The following BMPR1A variants were observed in gnomAD, a reference collection of about 807,000 sequenced individuals.
BMPR1A encodes bone morphogenetic protein receptor type-1A.
Under a neutral mutation model 66.0 loss-of-function variants are expected in BMPR1A, and 7 were observed. That is an observed-to-expected ratio of 0.11 (90% CI 0.06 to 0.20). The LOEUF (loss-of-function observed/expected upper bound fraction) is 0.20. BMPR1A is among the 10% of genes least tolerant of loss of function. The pLI, the probability that BMPR1A is intolerant of heterozygous loss-of-function variation, is 1.00. For synonymous variants in BMPR1A, 200 were observed against 229.7 expected, an observed-to-expected ratio of 0.87 and a Z score of 1.17; for missense variants, 408 against 669.1, an observed-to-expected ratio of 0.61 and a Z score of 4.31.
chr10:86,757,302 G>A (rs949788868), intron 1 of BMPR1A, among the ~76,000 whole-genome samples: 2 of 152,092 alleles, frequency 1.3e-5, no homozygotes, highest in African/African-American at 2.4e-5. Flanking sequence ...CTGTGGGGAG[G>A]AACAGGGGAG....
At chr10:86,869,128 T>A (rs961731221) in intron 2 of BMPR1A, among the ~76,000 whole-genome samples, 1 of 152,180 alleles carries the variant, frequency 6.6e-6, no homozygotes, top group Admixed American at 6.5e-5. Flanking sequence ...TTAAAAAATA[T>A]ATTTTATCGT....
intron 4 of BMPR1A, among the ~76,000 whole-genome samples, chr10:86,890,827 C>A (rs1843138039): frequency 6.6e-6 from 1 of 152,008 alleles, no homozygotes; most frequent in Non-Finnish European, 1.5e-5. Flanking sequence ...GTGAATTTAC[C>A]AATCCAAATC....
chr10:86,840,306 ATCT>A (rs1842408600), intron 2 of BMPR1A, among the ~76,000 whole-genome samples: 2 of 152,160 alleles, frequency 1.3e-5, no homozygotes, highest in Admixed American at 1.3e-4. Context: ...GCTGGATTAG[ATCT>A]TCTAAAAAAT....
At position 86,884,836 on chromosome 10, in the gene BMPR1A, G is replaced by C. The variant is rs199663353; in HGVS notation, c.68-5226G>C. The stretch of plus-strand genomic sequence containing the variant: ...TGTCGGACATGTGTCAGCATGTGTC[G>C]GAATGTATCAACCCATTTTTGATAA... On this transcript the variant is annotated intron_variant, in intron 3 of 12. Transcript: ENST00000372037. Among the ~76,000 whole-genome samples the C allele has an allele frequency of 1.4e-4, 22 of 152,216 alleles. No homozygotes were observed. In the East Asian group the frequency reaches 3.9e-3, roughly 27 times the overall value.
intron 1 of BMPR1A, among the ~76,000 whole-genome samples, chr10:86,785,325 A>G (rs984972759): frequency 1.8e-4 from 27 of 152,008 alleles, no homozygotes; most frequent in African/African-American, 5.3e-4. Context: ...TGTTTTTGAG[A>G]TGGAGTTTCC....
At chr10:86,797,210 G>A (rs1462010368) in intron 1 of BMPR1A, among the ~76,000 whole-genome samples, 10 of 143,876 alleles carry the variant, frequency 7.0e-5, no homozygotes, top group Non-Finnish European at 1.5e-4. Context: ...GATTACAGGC[G>A]CCTGCCACCA....
At chr10:86,898,472 G>A (rs1188931555) in intron 5 of BMPR1A, among the ~76,000 whole-genome samples, 3 of 152,074 alleles carry the variant, frequency 2.0e-5, no homozygotes, top group African/African-American at 7.2e-5. Flanking sequence ...CAAACGCATC[G>A]TAAGATCTCT....
chr10:86,796,613 G>GT (rs1274731207), intron 1 of BMPR1A, among the ~76,000 whole-genome samples: 1 of 150,936 alleles, frequency 6.6e-6, no homozygotes, highest in African/African-American at 2.4e-5. Context: ...ATCTCTCTCT[G>GT]TTGCCCAGGC....
In BMPR1A at chr10:86,875,871, C is replaced by G. The variant is rs1057522518; in HGVS notation, c.-148C>G. 1.4e-6 allele frequency: 1 copy of G among 727,712 alleles called. No individual in the cohort carries two copies. The highest frequency in any genetic ancestry group is 2.4e-6 in the Non-Finnish European group (1 of 412,480). 45.1% of individuals were successfully genotyped at this position (727,712 alleles called of 1,614,324 possible). ...TTAAATATTTTTGTCTTTCAGGAGTCGTAAGAAAGCAGTGGGAGTTGAAGT... is the reference window on the plus strand; with the variant it reads ...TTAAATATTTTTGTCTTTCAGGAGTGGTAAGAAAGCAGTGGGAGTTGAAGT... On this transcript the variant is annotated 5_prime_UTR_variant, in exon 3 of 13. Transcript: ENST00000372037.
intron 2 of BMPR1A, among the ~76,000 whole-genome samples, chr10:86,842,723 T>C (rs774543790): frequency 6.6e-6 from 1 of 152,158 alleles, no homozygotes; most frequent in Non-Finnish European, 1.5e-5. Context: ...AATGGACTCA[T>C]AGTTCCATGT....
Position 86,923,760 on chromosome 10 carries a change from T to G in BMPR1A, c.*41T>G, listed in dbSNP as rs1377459606. The G allele has an allele frequency of 1.2e-6, 2 of 1,609,680 alleles. No individual in the cohort carries two copies. The highest frequency in any genetic ancestry group is 2.7e-5 in the African/African-American group (2 of 74,724). On this transcript the variant is annotated 3_prime_UTR_variant, in exon 13 of 13. Transcript: ENST00000372037. The stretch of plus-strand genomic sequence containing the variant: ...AGGAGAAACTCTAGACTGCAAGAAC[T>G]GTTTTTACCCATGGCATGGGTGGAA...
In BMPR1A at chr10:86,925,853, G is replaced by A. The variant is rs1343084861; in HGVS notation, c.*2134G>A. 1 of 160,210 alleles carries A rather than the reference G, an allele frequency of 6.2e-6. No homozygotes were observed. The allele number at this position is 160,210 out of a possible 1,614,324, so 9.9% of individuals were successfully genotyped here. ...CGCCATTCTCCTGCCTCAGCCTCCC[G>A]AGTAGCTGGGACTACAGGCGCCCGC... On this transcript the variant is annotated 3_prime_UTR_variant, in exon 13 of 13. Transcript: ENST00000372037.
chr10:86,787,880 C>G (rs1477743012), intron 1 of BMPR1A, among the ~76,000 whole-genome samples: 1 of 133,724 alleles, frequency 7.5e-6, no homozygotes, highest in Non-Finnish European at 1.6e-5. Context: ...AGGGGGAAAT[C>G]TGCCCCCCCC....
intron 7 of BMPR1A, among the ~76,000 whole-genome samples, chr10:86,906,433 C>T (rs1156641613): frequency 1.9e-5 from 2 of 104,196 alleles, no homozygotes; most frequent in Non-Finnish European, 3.5e-5. Context: ...ACACTTTGTC[C>T]TTTTGGCTGG....
At chr10:86,863,998 TC>T in intron 2 of BMPR1A, among the ~76,000 whole-genome samples, 1 of 152,338 alleles carries the variant, frequency 6.6e-6, no homozygotes, top group East Asian at 1.9e-4. Flanking sequence ...ATTAGTTTGA[TC>T]AAGATAATTT....
intron 1 of BMPR1A, among the ~76,000 whole-genome samples, chr10:86,837,914 A>G (rs1200974964): frequency 6.6e-6 from 1 of 152,218 alleles, no homozygotes; most frequent in East Asian, 1.9e-4. Context: ...AGGTTGCCCT[A>G]GTTTACATGA....
intron 4 of BMPR1A, 87 bp downstream of exon 4, chr10:86,890,311 G>A: frequency 4.0e-6 from 6 of 1,496,964 alleles, no homozygotes; most frequent in South Asian, 1.2e-5. Context: ...CTTGTCTGCG[G>A]TTTTTTTTTC....
At chr10:86,756,040 C>T (rs375945862), upstream of BMPR1A, 3 of 152,388 alleles carry the variant, frequency 2.0e-5, no homozygotes, top group Non-Finnish European at 2.9e-5. Flanking sequence ...CCATCCCCCA[C>T]CTTGGTGACT....
chr10:86,812,041 C>T (rs1253723227), intron 1 of BMPR1A, among the ~76,000 whole-genome samples: 1 of 151,032 alleles, frequency 6.6e-6, no homozygotes, highest in African/African-American at 2.4e-5. Flanking sequence ...CTGAGCATGC[C>T]ACTGCTCTCC....
Sources: allele counts gnomAD v4.1 joint callset (sites outside exome capture counted in the v4.1 genomes callset), GRCh38; gene constraint gnomAD v4.1.1; transcripts MANE v1.5; gene names NCBI Gene and HGNC (gene_info 2026-07-23, HGNC 2026-07-21).